WBP11: variants seen among roughly 807,000 people sequenced by gnomAD.
The protein encoded by WBP11 is WW domain-binding protein 11.
Under a neutral mutation model 66.7 loss-of-function variants are expected in WBP11, and 12 were observed. The ratio of observed to expected loss-of-function variants is 0.18; its 90% CI spans 0.12 to 0.29. WBP11 has a LOEUF of 0.29. Ranked by LOEUF, WBP11 falls within the 10% of genes least tolerant of loss-of-function variation. The probability of loss-of-function intolerance (pLI) is 1.00; values close to 1 mark genes in which losing one functional copy is unlikely to be tolerated. For synonymous variants in WBP11, 255 were observed against 273.8 expected (o/e 0.93, Z 0.68); for missense variants, 555 against 818.3 (o/e 0.68, Z 3.93).
intron 7 of WBP11, 66 bp from the exon 8 acceptor site, chr12:14,793,988 A>T (rs964855316): frequency 4.0e-6 from 5 of 1,252,010 alleles, no homozygotes; most frequent in Middle Eastern, 2.2e-4. Flanking sequence ...GGTACCCAGA[A>T]ATACAGAAAA....
chr12:14,795,723 C>T (rs1270731366), intron 5 of WBP11, among the ~76,000 whole-genome samples: 2 of 151,820 alleles, frequency 1.3e-5, no homozygotes, highest in Non-Finnish European at 2.9e-5. Flanking sequence ...GAGTGAGACT[C>T]GGTCTCAAAA....
rs755347239 is a variant in WBP11 at position 14,793,936 on chromosome 12, A to C, written c.722-14T>G. ...GACCTCGCTGGGCTGAAAAGTGGGA[A>C]GGGAACATGGAGAAGTAGTATGATT... On this transcript the variant is annotated splice_polypyrimidine_tract_variant and intron_variant, in intron 7 of 11. Coordinates refer to ENST00000261167, the MANE Select transcript of WBP11 (RefSeq NM_016312.3). 1 of 1,599,412 alleles carries C rather than the reference A, an allele frequency of 6.3e-7. No individual in the cohort carries two copies. The highest frequency in any genetic ancestry group is 1.1e-5 in the South Asian group (1 of 88,534).
intron 4 of WBP11, among the ~76,000 whole-genome samples, chr12:14,799,207 G>T (rs1949930755): frequency 6.6e-6 from 1 of 152,080 alleles, no homozygotes; most frequent in African/African-American, 2.4e-5. Flanking sequence ...AAATGGATAA[G>T]TATCTTTTTG....
chr12:14,802,903 G>A (rs1015980314), intron 1 of WBP11, among the ~76,000 whole-genome samples: 3 of 152,162 alleles, frequency 2.0e-5, no homozygotes, highest in Admixed American at 6.5e-5. Flanking sequence ...TTTTACGGAA[G>A]ACACTGGAGC....
At chr12:14,794,223 G>A (rs993652290) in intron 7 of WBP11, among the ~76,000 whole-genome samples, 1 of 152,104 alleles carries the variant, frequency 6.6e-6, no homozygotes, top group Non-Finnish European at 1.5e-5. Context: ...CACAGTCAGT[G>A]AATGTATACA....
chr12:14,785,916 T>C lies in WBP11; in HGVS notation c.*1149A>G, dbSNP rs182796294. The C allele has an allele frequency of 3.4e-4, 52 of 151,132 alleles. No individual in the cohort carries two copies. The highest frequency in any genetic ancestry group is 1.2e-3 in the African/African-American group (48 of 40,902). The allele number at this position is 151,132 out of a possible 1,614,324, so 9.4% of individuals were successfully genotyped here. On this transcript the variant is annotated 3_prime_UTR_variant, in exon 12 of 12. Transcript: ENST00000261167. ...CCAGAAAAGTTATCTATAGGGTTAA[T>C]TGGTAGATGAGTTAGTCATTAAATT...
Position 14,790,472 on chromosome 12 carries a change from A to G in WBP11, c.1293T>C (p.Pro431=). 6.2e-7 allele frequency: 1 copy of G among 1,613,862 alleles called. No homozygotes were observed. Among genetic ancestry groups the G allele is most frequent in the Non-Finnish European group, 8.5e-7 (1 of 1,179,788 alleles). Residue 431 remains proline, a synonymous_variant, in exon 10 of 12, where the codon CCT becomes CCC. Coordinates refer to ENST00000261167, the MANE Select transcript of WBP11 (RefSeq NM_016312.3). ...LRPPGPPTGL[P]PGPPPGAPPF... is the part of the protein sequence containing the mutation. ...AGTGTTTACCTGGAGGTGGACCAGG[A>G]GGAAGGCCTGTAGGTGGCCCAGGAG...
rs1565671844 is a variant in WBP11, at chr12:14,790,477, G to A, written c.1288C>T (p.Leu430Phe). The A allele has an allele frequency of 6.2e-7, 1 of 1,613,798 alleles. No individual in the cohort carries two copies. Among genetic ancestry groups the A allele is most frequent in the African/African-American group, 1.3e-5 (1 of 74,940 alleles). The change falls in exon 10 of 12, where the codon CTT becomes TTT. Residue 430 changes from leucine (L) to phenylalanine (F), a missense_variant. Leu to Phe is a conservative substitution (Grantham distance 22). Coordinates refer to ENST00000261167, the MANE Select transcript of WBP11 (RefSeq NM_016312.3). The part of the protein sequence containing the change: ...PLRPPGPPTG[L>F]PPGPPPGAPP... ...TTACCTGGAGGTGGACCAGGAGGAA[G>A]GCCTGTAGGTGGCCCAGGAGGCCGT... is the stretch of plus-strand genomic sequence containing the variant.
intron 8 of WBP11, among the ~76,000 whole-genome samples, chr12:14,791,595 T>C (rs1175685427): frequency 6.6e-6 from 1 of 152,134 alleles, no homozygotes; most frequent in Non-Finnish European, 1.5e-5. Context: ...ATAAAGAGCA[T>C]AGGAAAAGAT....
chr12:14,794,297 TAGC>T (rs796494230), intron 7 of WBP11, among the ~76,000 whole-genome samples: 5 of 152,296 alleles, frequency 3.3e-5, no homozygotes, highest in African/African-American at 1.2e-4. Flanking sequence ...CTTAAAGGAT[TAGC>T]AGCAAGAGTG....
intron 8 of WBP11, 84 bp from the exon 9 acceptor site, chr12:14,791,354 GAT>G: frequency 1.8e-6 from 2 of 1,096,582 alleles, no homozygotes; most frequent in African/African-American, 1.6e-5. Flanking sequence ...TAAAGTACTA[GAT>G]ATGATTGCTA....
intron 8 of WBP11, among the ~76,000 whole-genome samples, chr12:14,792,011 G>A (rs1421871568): frequency 6.6e-6 from 1 of 152,090 alleles, no homozygotes; most frequent in Non-Finnish European, 1.5e-5. Flanking sequence ...TGAAGGAAAG[G>A]AGACTACAAA....
intron 1 of WBP11, among the ~76,000 whole-genome samples, chr12:14,802,922 G>A (rs1949983528): frequency 6.6e-6 from 1 of 152,192 alleles, no homozygotes; most frequent in East Asian, 1.9e-4. Context: ...GCTTAAGTCT[G>A]CAGATTAGTT....
intron 4 of WBP11, 124 bp from the exon 5 acceptor site, chr12:14,797,127 T>G (rs995649802): frequency 1.7e-6 from 1 of 575,388 alleles, no homozygotes; most frequent in Middle Eastern, 4.4e-4. Flanking sequence ...ACACCAGACA[T>G]ACTCTTTTCA....
chr12:14,802,145 G>T (rs755642078), intron 1 of WBP11: 11 of 152,060 alleles, frequency 7.2e-5, no homozygotes, highest in Non-Finnish European at 1.2e-4. Context: ...ATTTCTTAAG[G>T]TAATTAAAGG....
In WBP11 at chr12:14,794,952, T is replaced by G. The variant is rs1313468939; in HGVS notation, c.521+19A>C. ...GTGCCTTTACTAAATGCTCTCTGAT[T>G]GTGACACTGCTTCCTTACCCATAGG... is the stretch of plus-strand genomic sequence containing the variant. On this transcript the variant is annotated intron_variant, in intron 6 of 11. Coordinates refer to ENST00000261167, the MANE Select transcript of WBP11 (RefSeq NM_016312.3). The G allele has an allele frequency of 6.2e-7, 1 of 1,612,014 alleles. No homozygotes were observed. Among genetic ancestry groups the G allele is most frequent in the African/African-American group, 1.3e-5 (1 of 74,862 alleles).
In WBP11 at chr12:14,786,858, C is replaced by G; in HGVS notation, c.*207G>C. On this transcript the variant is annotated 3_prime_UTR_variant, in exon 12 of 12. Coordinates refer to ENST00000261167, the MANE Select transcript of WBP11 (RefSeq NM_016312.3). ...TGAAAGGGAATGGATGTTAGCAGCA[C>G]TGCTTCAATAACTGATCTATTCTGG... 1.8e-6 allele frequency: 1 copy of G among 551,122 alleles called. No individual in the cohort carries two copies. The allele number at this position is 551,122 out of a possible 1,614,324, so 34.1% of individuals were successfully genotyped here. A position where few individuals can be genotyped will look rare whatever the true frequency, so the allele number is the denominator to read the frequency against.
chr12:14,803,092 G>A lies in WBP11; in HGVS notation c.-46+260C>T, dbSNP rs544658423. The stretch of plus-strand genomic sequence containing the variant: ...AGCGACGGCTGACCGACCATGACTC[G>A]AGGTACAAGACGTCAAACCTAAGGC... On this transcript the variant is annotated intron_variant, in intron 1 of 11. Transcript: ENST00000261167. 2.0e-5 allele frequency among the ~76,000 whole-genome samples: 3 copies of A among 152,320 alleles called. No homozygotes were observed. In the South Asian group the frequency reaches 6.2e-4, roughly 32 times the overall value.
intron 9 of WBP11, 107 bp downstream of exon 9, chr12:14,791,062 T>C: frequency 9.0e-7 from 1 of 1,116,650 alleles, no homozygotes; most frequent in Non-Finnish European, 1.3e-6. Context: ...AAACAAGGAC[T>C]TATTACTTAC....
Sources: gnomAD v4.1 joint callset for allele counts (sites outside exome capture counted in the v4.1 genomes callset) on GRCh38, gnomAD v4.1.1 for gene constraint, MANE v1.5 for transcripts, NCBI Gene and HGNC (gene_info 2026-07-23, HGNC 2026-07-21) for gene names.